ZNF277: variants seen among roughly 807,000 people sequenced by gnomAD.
The protein encoded by ZNF277 is nuclear receptor-interacting factor 4.
A neutral mutation model predicts 60.7 loss-of-function variants in ZNF277; 55 were observed. The observed-to-expected ratio is 0.91, with a 90% CI of 0.73 to 1.13. The LOEUF (loss-of-function observed/expected upper bound fraction) is 1.13. ZNF277 is among the 50% of genes most tolerant of loss of function. The probability of loss-of-function intolerance (pLI) is 0.00; values close to 1 mark genes in which losing one functional copy is unlikely to be tolerated. For missense variants in ZNF277, 510 were observed against 523.0 expected (o/e 0.98, Z 0.24); for synonymous variants, 178 against 179.3 (o/e 0.99, Z 0.06).
At chr7:112,228,199 C>CT (rs1377549616) in intron 1 of ZNF277, among the ~76,000 whole-genome samples, 1 of 152,040 alleles carries the variant, frequency 6.6e-6, no homozygotes, top group Admixed American at 6.6e-5. Flanking sequence ...CTATCTGTCT[C>CT]TAACAAGGAA....
At chr7:112,243,787 G>A (rs1377808905) in intron 1 of ZNF277, among the ~76,000 whole-genome samples, 1 of 151,998 alleles carries the variant, frequency 6.6e-6, no homozygotes, top group Non-Finnish European at 1.5e-5. Flanking sequence ...ATTTTATACA[G>A]CAGTCCCACT....
At chr7:112,208,101 G>T (rs991051974) in intron 1 of ZNF277, among the ~76,000 whole-genome samples, 1 of 152,182 alleles carries the variant, frequency 6.6e-6, no homozygotes, top group African/African-American at 2.4e-5. Flanking sequence ...AAATGGCCGG[G>T]CACGGTGGCT....
At chr7:112,299,342 C>T (rs1792422423) in intron 4 of ZNF277, among the ~76,000 whole-genome samples, 1 of 152,116 alleles carries the variant, frequency 6.6e-6, no homozygotes, top group South Asian at 2.1e-4. Flanking sequence ...CTTCTTCTAT[C>T]AAGTTAACAG....
intron 4 of ZNF277, among the ~76,000 whole-genome samples, chr7:112,310,076 T>C (rs149058969): frequency 4.5e-4 from 68 of 152,054 alleles, no homozygotes; most frequent in Non-Finnish European, 7.4e-5. Flanking sequence ...TGTGGCTTCA[T>C]TGAGTAGGTA....
At chr7:112,208,674 A>ATT (rs869082099) in intron 1 of ZNF277, among the ~76,000 whole-genome samples, 5,627 of 72,586 alleles carry the variant, frequency 0.078, 1,107 homozygotes, top group Middle Eastern at 0.13. Context: ...GTATGATTTG[A>ATT]TTTTTTTTTT....
chr7:112,240,943 G>A (rs929046354), intron 1 of ZNF277, among the ~76,000 whole-genome samples: 4 of 152,094 alleles, frequency 2.6e-5, no homozygotes, highest in Admixed American at 2.6e-4. Context: ...CATTGGTCTG[G>A]GCAAAGATTT....
intron 5 of ZNF277, among the ~76,000 whole-genome samples, chr7:112,320,741 T>C (rs1792960427): frequency 6.6e-6 from 1 of 152,048 alleles, no homozygotes; most frequent in Non-Finnish European, 1.5e-5. Context: ...CACCTTTTCA[T>C]TGTAGTACTT....
intron 1 of ZNF277, among the ~76,000 whole-genome samples, chr7:112,218,138 C>G (rs567835672): frequency 2.6e-5 from 4 of 152,304 alleles, no homozygotes; most frequent in African/African-American, 4.8e-5. Context: ...TTTCAGTTCC[C>G]CTGTCTTGAT....
At chr7:112,322,748 TC>T (rs1399763339) in intron 5 of ZNF277, among the ~76,000 whole-genome samples, 1 of 152,108 alleles carries the variant, frequency 6.6e-6, no homozygotes, top group Non-Finnish European at 1.5e-5. Flanking sequence ...TCTGCTTTCT[TC>T]CCCCATGTAT....
At position 112,339,729 on chromosome 7, in the gene ZNF277, G is replaced by A. The variant is rs891956995; in HGVS notation, c.967-114G>A. ...GAAGACTTCAAAAGCAGAAGATACC[G>A]AACTCAGACTGAGTTTCTAAACTAC... On this transcript the variant is annotated intron_variant, in intron 9 of 11. Coordinates refer to ENST00000361822, the MANE Select transcript of ZNF277 (RefSeq NM_021994.3). The A allele has an allele frequency of 3.6e-5, 37 of 1,026,300 alleles. No individual in the cohort carries two copies. The African/African-American group carries it at 4.3e-4, about 12-fold the overall frequency. The allele number at this position is 1,026,300 out of a possible 1,614,324, so 63.6% of individuals were successfully genotyped here. A position where few individuals can be genotyped will look rare whatever the true frequency, so the allele number is the denominator to read the frequency against.
chr7:112,227,289 T>C (rs758630597), intron 1 of ZNF277, among the ~76,000 whole-genome samples: 1 of 152,202 alleles, frequency 6.6e-6, no homozygotes, highest in Non-Finnish European at 1.5e-5. Flanking sequence ...TTTTTAAAGT[T>C]ATGTAAAAAG....
At chr7:112,310,023 T>A (rs4730524) in intron 4 of ZNF277, among the ~76,000 whole-genome samples, 58,621 of 151,828 alleles carry the variant, frequency 0.39, 14,711 homozygotes, top group African/African-American at 0.71. Flanking sequence ...GACTAATCCC[T>A]ACCAAGAAAG....
At position 112,216,104 on chromosome 7, in the gene ZNF277, A is replaced by G. The variant is rs532617301; in HGVS notation, c.91+9297A>G. ...AAGGAAGGTGAGAGTCTGCGGGCTT[A>G]TTTGAATTTCTTTCAAACCAGTTTA... On this transcript the variant is annotated intron_variant, in intron 1 of 11. Coordinates refer to ENST00000361822, the MANE Select transcript of ZNF277 (RefSeq NM_021994.3). Among the ~76,000 whole-genome samples, 40 of 152,340 alleles carry G rather than the reference A, an allele frequency of 2.6e-4. No homozygotes were observed. The South Asian group carries it at 7.2e-3, about 28-fold the overall frequency.
At chr7:112,287,455 AATTCAT>A (rs1792097530) in intron 2 of ZNF277, 1 of 156,352 alleles carries the variant, frequency 6.4e-6, no homozygotes, top group South Asian at 2.1e-4. Context: ...CAAATATGAA[AATTCAT>A]ATTCATTTTC....
intron 7 of ZNF277, among the ~76,000 whole-genome samples, chr7:112,334,598 C>T (rs1793294772): frequency 6.6e-6 from 1 of 152,070 alleles, no homozygotes; most frequent in African/African-American, 2.4e-5. Context: ...AGATAACTCT[C>T]TACATATTGT....
chr7:112,238,969 A>G (rs1194049950), intron 1 of ZNF277, among the ~76,000 whole-genome samples: 1 of 152,010 alleles, frequency 6.6e-6, no homozygotes, highest in Non-Finnish European at 1.5e-5. Context: ...CACTGCCTGA[A>G]GGAAACAACC....
intron 11 of ZNF277, among the ~76,000 whole-genome samples, chr7:112,341,824 A>G (rs6955231): frequency 0.15 from 22,269 of 152,242 alleles, 1,694 homozygotes; most frequent in South Asian, 0.16. Context: ...CAGTTCCCCC[A>G]GAACTTTAAC....
intron 1 of ZNF277, among the ~76,000 whole-genome samples, chr7:112,267,944 A>G (rs1403648136): frequency 6.6e-6 from 1 of 152,120 alleles, no homozygotes; most frequent in Non-Finnish European, 1.5e-5. Context: ...TTTTATAGGG[A>G]CAGATATGCA....
intron 1 of ZNF277, among the ~76,000 whole-genome samples, chr7:112,231,383 A>T (rs1001782619): frequency 6.6e-5 from 10 of 152,210 alleles, no homozygotes; most frequent in Non-Finnish European, 1.5e-4. Context: ...GAAAACTTAC[A>T]TTCATATCTA....
Sources: gnomAD v4.1 joint callset for allele counts (sites outside exome capture counted in the v4.1 genomes callset) on GRCh38, gnomAD v4.1.1 for gene constraint, MANE v1.5 for transcripts, NCBI Gene and HGNC (gene_info 2026-07-23, HGNC 2026-07-21) for gene names.